KAZN: variants seen among roughly 807,000 people sequenced by gnomAD.
The protein encoded by KAZN is kazrin, periplakin interacting protein.
In KAZN, 40 loss-of-function variants were observed where a neutral mutation model predicts 87.4. The ratio of observed to expected loss-of-function variants is 0.46; its 90% CI spans 0.36 to 0.60. KAZN has a LOEUF of 0.60. Ranked by LOEUF, KAZN falls within the 20% of genes least tolerant of loss-of-function variation. KAZN has a pLI of 0.00. For missense variants in KAZN, 898 were observed against 1,073.9 expected, an observed-to-expected ratio of 0.84 and a Z score of 2.29; for synonymous variants, 466 against 458.3, an observed-to-expected ratio of 1.02 and a Z score of -0.22.
intron 1 of KAZN, among the ~76,000 whole-genome samples, chr1:14,889,888 A>G (rs2101152511): frequency 6.6e-6 from 1 of 152,350 alleles, no homozygotes; most frequent in Middle Eastern, 3.4e-3. Flanking sequence ...TTTGCAGAAA[A>G]AGCCTGTCTT....
intron 2 of KAZN, among the ~76,000 whole-genome samples, chr1:14,461,781 A>G (rs1375506972): frequency 1.3e-5 from 2 of 152,074 alleles, no homozygotes; most frequent in Non-Finnish European, 2.9e-5. Context: ...AGGTATATCC[A>G]AAATTGTGTA....
intron 2 of KAZN, among the ~76,000 whole-genome samples, chr1:14,994,411 C>T (rs77646451): frequency 0.018 from 2,798 of 152,330 alleles, 74 homozygotes; most frequent in East Asian, 0.081. Context: ...GTTGTAGGTG[C>T]CAGTGCCATT....
chr1:14,092,387 G>A (rs982581486), intron 1 of KAZN, among the ~76,000 whole-genome samples: 7 of 149,784 alleles, frequency 4.7e-5, no homozygotes, highest in African/African-American at 7.3e-5. Context: ...CACCGTGCCC[G>A]GCCTATTATT....
intron 7 of KAZN, 89 bp from the exon 8 acceptor site, chr1:15,065,541 C>A: frequency 8.4e-7 from 1 of 1,183,434 alleles, no homozygotes; most frequent in Non-Finnish European, 1.2e-6. Context: ...TTCCCCACCC[C>A]GGATCCCATC....
chr1:14,045,335 C>A (rs10733142), intron 1 of KAZN, among the ~76,000 whole-genome samples: 84,222 of 152,052 alleles, frequency 0.55, 23,637 homozygotes, highest in East Asian at 0.7. Context: ...GGCAACTCAC[C>A]AGCATCATCC....
chr1:15,099,280 A>G lies in KAZN; in HGVS notation c.1548-2263A>G, dbSNP rs1640941103. Among the ~76,000 whole-genome samples, 1 of 152,194 alleles carries G rather than the reference A, an allele frequency of 6.6e-6. No homozygotes were observed. Among genetic ancestry groups the G allele is most frequent in the Non-Finnish European group, 1.5e-5 (1 of 68,032 alleles). On this transcript the variant is annotated intron_variant, in intron 10 of 14. Coordinates refer to ENST00000376030, the MANE Select transcript of KAZN (RefSeq NM_201628.3). The surrounding 1 kb of genome is among the most constrained non-coding windows in gnomAD (Gnocchi z 5.4). Reference sequence around the variant, plus strand: ...CAATCAGTGTCTACTGTGCACGTAGACTGTGCTGTTTGGCAGTGAACGCAG... The same window carrying G: ...CAATCAGTGTCTACTGTGCACGTAGGCTGTGCTGTTTGGCAGTGAACGCAG...
intron 1 of KAZN, among the ~76,000 whole-genome samples, chr1:14,641,305 A>G (rs1680390466): frequency 6.6e-6 from 1 of 152,220 alleles, no homozygotes; most frequent in South Asian, 2.1e-4. Flanking sequence ...CATGGTCTAC[A>G]TGACACCTAG....
intron 1 of KAZN, among the ~76,000 whole-genome samples, chr1:13,898,693 A>T (rs1180202270): frequency 6.6e-6 from 1 of 152,144 alleles, no homozygotes; most frequent in African/African-American, 2.4e-5. Context: ...TTGCATGATT[A>T]GTGAGGGATT....
At chr1:14,348,307 C>T (rs1658265081) in intron 2 of KAZN, among the ~76,000 whole-genome samples, 1 of 152,160 alleles carries the variant, frequency 6.6e-6, no homozygotes, top group Non-Finnish European at 1.5e-5. Flanking sequence ...CCTCCCCAGC[C>T]TCTCCAAATG....
At chr1:14,028,675 TTA>T (rs1436357921) in intron 1 of KAZN, among the ~76,000 whole-genome samples, 2 of 152,240 alleles carry the variant, frequency 1.3e-5, no homozygotes, top group African/African-American at 4.8e-5. Context: ...TTAAGGACAT[TTA>T]TCTCTCAATG....
chr1:14,651,598 C>T (rs1340739834), intron 1 of KAZN, among the ~76,000 whole-genome samples: 1 of 152,194 alleles, frequency 6.6e-6, no homozygotes, highest in Non-Finnish European at 1.5e-5. Context: ...GGTACAAAAC[C>T]ATTGACTCAG....
intron 1 of KAZN, among the ~76,000 whole-genome samples, chr1:13,958,709 C>G (rs553203942): frequency 6.6e-6 from 1 of 152,104 alleles, no homozygotes; most frequent in African/African-American, 2.4e-5. Context: ...CCTGGGAGAA[C>G]TGGTGGTGAC....
intron 1 of KAZN, among the ~76,000 whole-genome samples, chr1:14,119,102 A>G (rs1366053525): frequency 6.6e-6 from 1 of 152,216 alleles, no homozygotes; most frequent in East Asian, 1.9e-4. Context: ...TTTCAGAGAC[A>G]ACACTAGGTA....
chr1:14,556,955 T>C (rs904758358), intron 2 of KAZN, among the ~76,000 whole-genome samples: 2 of 152,194 alleles, frequency 1.3e-5, no homozygotes, highest in Admixed American at 6.5e-5. Context: ...GCAGACCATT[T>C]GGAAGCTGAA....
chr1:13,983,049 G>C (rs1375264957), intron 1 of KAZN, among the ~76,000 whole-genome samples: 1 of 152,134 alleles, frequency 6.6e-6, no homozygotes, highest in Non-Finnish European at 1.5e-5. Context: ...CCCTGAGCTA[G>C]ACATAAAGGT....
intron 2 of KAZN, among the ~76,000 whole-genome samples, chr1:14,327,236 C>T (rs1032365272): frequency 2.0e-5 from 3 of 152,002 alleles, no homozygotes; most frequent in Admixed American, 6.6e-5. Context: ...ACAATGTCAC[C>T]GTCACTGACT....
At chr1:14,584,952 G>A (rs1675765264) in intron 2 of KAZN, among the ~76,000 whole-genome samples, 1 of 152,122 alleles carries the variant, frequency 6.6e-6, no homozygotes, top group Non-Finnish European at 1.5e-5. Flanking sequence ...CTGAAGATAG[G>A]GTCTTTAAAG....
At chr1:15,063,303 A>G in intron 6 of KAZN, 1 of 502,212 alleles carries the variant, frequency 2.0e-6, no homozygotes, top group Non-Finnish European at 3.6e-6. Context: ...TGGAGTGGCT[A>G]ATTTGTTGGT....
intron 2 of KAZN, among the ~76,000 whole-genome samples, chr1:14,542,673 C>T (rs547625134): frequency 3.9e-5 from 6 of 152,126 alleles, no homozygotes; most frequent in Non-Finnish European, 7.3e-5. Flanking sequence ...AGCATAGTAT[C>T]GGATAGGTAG....
Sources: allele counts gnomAD v4.1 joint callset (sites outside exome capture counted in the v4.1 genomes callset), GRCh38; gene constraint gnomAD v4.1.1; non-coding constraint Gnocchi (gnomAD v3.1); transcripts MANE v1.5; gene names NCBI Gene and HGNC (gene_info 2026-07-23, HGNC 2026-07-21).